Variants in MIA2 observed in about 807,000 individuals in gnomAD.
The protein encoded by MIA2 is MIA SH3 domain ER export factor 2, also known as melanoma inhibitory activity protein 2.
In MIA2, 127 loss-of-function variants were observed where a neutral mutation model predicts 167.8. The observed-to-expected ratio is 0.76, with a 90% CI of 0.66 to 0.88. The LOEUF (loss-of-function observed/expected upper bound fraction) is 0.88. Ranked by LOEUF, MIA2 falls within the 40% of genes least tolerant of loss-of-function variation. The probability of loss-of-function intolerance (pLI) is 0.00; values close to 1 mark genes in which losing one functional copy is unlikely to be tolerated. For synonymous variants in MIA2, 552 were observed against 541.9 expected (o/e 1.02, Z -0.26); for missense variants, 1,690 against 1,624.7 (o/e 1.04, Z -0.69).
Position 39,279,441 on chromosome 14 carries a change from T to C in MIA2, c.2042-8T>C. 1 of 1,603,644 alleles carries C rather than the reference T, an allele frequency of 6.2e-7. No individual in the cohort carries two copies. The highest frequency in any genetic ancestry group is 2.2e-5 in the East Asian group (1 of 44,772). On this transcript the variant is annotated splice_region_variant and splice_polypyrimidine_tract_variant and intron_variant, in intron 8 of 28. Coordinates refer to ENST00000640607, the MANE Select transcript of MIA2 (RefSeq NM_001329214.4). ...TTACTCATGGTAATATTGACTTGACTTTTTTAGGACGAGAGAAAAAGCTTG... is the reference window on the plus strand; with the variant it reads ...TTACTCATGGTAATATTGACTTGACCTTTTTAGGACGAGAGAAAAAGCTTG...
At chr14:39,256,486 A>G (rs183827282) in intron 6 of MIA2, among the ~76,000 whole-genome samples, 316 of 152,244 alleles carry the variant, frequency 2.1e-3, no homozygotes, top group African/African-American at 7.3e-3. Flanking sequence ...TTCAAGTACT[A>G]GGGATCAACA....
chr14:39,247,690 T>C lies in MIA2; in HGVS notation c.1116T>C (p.Ser372=), dbSNP rs1435781289. ...KKDTITNDSL[S]LKPSWFDFGF... is the part of the protein sequence containing the mutation. ...ACACAATCACTAATGATAGCTTGAG[T>C]CTCAAGCCAAGTTGGTTTGATTTTG... The change falls in exon 4 of 29, where the codon AGT becomes AGC. Residue 372 remains serine (S), a synonymous_variant. Transcript: ENST00000640607. 4.3e-6 allele frequency: 7 copies of C among 1,611,892 alleles called. No individual in the cohort carries two copies. In the Middle Eastern group the frequency reaches 9.9e-4, roughly 229 times the overall value.
intron 23 of MIA2, among the ~76,000 whole-genome samples, chr14:39,380,655 T>G (rs1423894916): frequency 7.5e-6 from 1 of 133,084 alleles, no homozygotes; most frequent in Non-Finnish European, 1.5e-5. Flanking sequence ...ATCGCACCAC[T>G]GCACTCCAGC....
intron 23 of MIA2, chr14:39,370,504 A>T: frequency 3.6e-6 from 1 of 280,220 alleles, no homozygotes; most frequent in Non-Finnish European, 7.6e-6. Flanking sequence ...GTCACCCATC[A>T]CTTTGTAGGC....
Position 39,267,371 on chromosome 14 carries a change from C to A in MIA2, c.1888-9563C>A. The A allele has an allele frequency of 2.5e-6, 4 of 1,593,548 alleles. No homozygotes were observed. In the Admixed American group the frequency reaches 5.4e-5, roughly 22 times the overall value. ...CGGTTGCCGGGTGCGGATTCGGGTT[C>A]CGGACCGAAGGCTGTGTGTTCTCCG... On this transcript the variant is annotated intron_variant, in intron 6 of 28. Coordinates refer to ENST00000640607, the MANE Select transcript of MIA2 (RefSeq NM_001329214.4).
intron 3 of MIA2, among the ~76,000 whole-genome samples, chr14:39,245,533 TAACCA>T (rs2054260742): frequency 6.6e-6 from 1 of 152,216 alleles, no homozygotes; most frequent in South Asian, 2.1e-4. Context: ...GTCTGAGCTA[TAACCA>T]TATGCTGTGA....
chr14:39,295,461 ATGTAAT>A (rs2061298892), intron 13 of MIA2, among the ~76,000 whole-genome samples: 1 of 152,202 alleles, frequency 6.6e-6, no homozygotes, highest in East Asian at 1.9e-4. Flanking sequence ...TCCTTTGCCA[ATGTAAT>A]TGTAACTTTT....
chr14:39,381,909 TTAATGG>T (rs1415619587), intron 23 of MIA2, among the ~76,000 whole-genome samples: 2 of 152,212 alleles, frequency 1.3e-5, no homozygotes, highest in East Asian at 1.9e-4. Context: ...TACTGAGCTC[TTAATGG>T]TAAGGAGAAA....
At chr14:39,286,752 A>C (rs1353762320) in intron 9 of MIA2, among the ~76,000 whole-genome samples, 1 of 139,820 alleles carries the variant, frequency 7.2e-6, no homozygotes. Flanking sequence ...GGATTGCAGC[A>C]GTGCAATCTC....
At chr14:39,358,957 C>T (rs1013390062) in intron 23 of MIA2, among the ~76,000 whole-genome samples, 2 of 152,212 alleles carry the variant, frequency 1.3e-5, no homozygotes, top group African/African-American at 4.8e-5. Flanking sequence ...TGTCAGTCTG[C>T]CCCTACTGGG....
At chr14:39,289,138 T>C (rs540878600) in intron 9 of MIA2, among the ~76,000 whole-genome samples, 2 of 152,200 alleles carry the variant, frequency 1.3e-5, no homozygotes. Flanking sequence ...ATTACTTTAA[T>C]AACAGATTGA....
chr14:39,372,898 C>T (rs186516799), intron 23 of MIA2, among the ~76,000 whole-genome samples: 1 of 152,104 alleles, frequency 6.6e-6, no homozygotes, highest in African/African-American at 2.4e-5. Flanking sequence ...GCAATTCCTA[C>T]TGAAATTGAG....
intron 23 of MIA2, among the ~76,000 whole-genome samples, chr14:39,367,770 G>A (rs1365047874): frequency 4.6e-5 from 7 of 152,112 alleles, no homozygotes; most frequent in South Asian, 2.1e-4. Flanking sequence ...GATGCCTCTC[G>A]TCTGCTGTCT....
chr14:39,385,350 AC>A, intron 23 of MIA2: 1 of 892,776 alleles, frequency 1.1e-6, no homozygotes, highest in Non-Finnish European at 1.9e-6. Context: ...GGTTATACTC[AC>A]TTGCACAAAC....
intron 3 of MIA2, among the ~76,000 whole-genome samples, chr14:39,243,778 A>G (rs147624908): frequency 0.02 from 3,027 of 152,302 alleles, 104 homozygotes; most frequent in African/African-American, 0.067. Context: ...AGACAGGAGA[A>G]TTGCTTGAAC....
intron 24 of MIA2, among the ~76,000 whole-genome samples, chr14:39,326,342 TCTTCTCA>T (rs1400396663): frequency 6.6e-6 from 1 of 152,190 alleles, no homozygotes. Flanking sequence ...ATCTTTTTTA[TCTTCTCA>T]TTGACTCGTA....
rs546404631 is a variant in MIA2, at chr14:39,304,274, T to G, written c.2788-17T>G. On this transcript the variant is annotated splice_polypyrimidine_tract_variant and intron_variant, in intron 16 of 28. Transcript: ENST00000640607. ...AACTGATTAATGTTACTTTTTTCCT[T>G]CTTCCCTTCTTTAAAGTTAAATGCT... The G allele has an allele frequency of 9.7e-6, 12 of 1,239,240 alleles. No individual in the cohort carries two copies. The African/African-American group carries it at 1.8e-4, about 19-fold the overall frequency. 76.8% of individuals were successfully genotyped at this position (1,239,240 alleles called of 1,614,324 possible).
At position 39,297,029 on chromosome 14, in the gene MIA2, G is replaced by A. The variant is rs1032592246; in HGVS notation, c.2496+2000G>A. On this transcript the variant is annotated intron_variant, in intron 13 of 28. Transcript: ENST00000640607. ...TGACCTGAGGTGATCCACTCACCTC[G>A]GCCTCCCAAAGTGCTGAGATTACAA... Among the ~76,000 whole-genome samples the A allele has an allele frequency of 4.0e-5, 6 of 151,188 alleles. No individual in the cohort carries two copies. The East Asian group carries it at 1.2e-3, about 30-fold the overall frequency.
chr14:39,261,463 C>A (rs1001083338), intron 6 of MIA2, among the ~76,000 whole-genome samples: 1 of 152,018 alleles, frequency 6.6e-6, no homozygotes, highest in Non-Finnish European at 1.5e-5. Context: ...TGTGCAGGTG[C>A]CTTTATAGCA....
Sources: allele counts gnomAD v4.1 joint callset (sites outside exome capture counted in the v4.1 genomes callset), GRCh38; gene constraint gnomAD v4.1.1; transcripts MANE v1.5; gene names NCBI Gene and HGNC (gene_info 2026-07-23, HGNC 2026-07-21).